Variants in NKAIN3 observed in about 807,000 individuals in gnomAD.
The protein encoded by NKAIN3 is sodium/potassium-transporting ATPase subunit beta-1-interacting protein 3.
Under a neutral mutation model 30.2 loss-of-function variants are expected in NKAIN3, and 25 were observed. The ratio of observed to expected loss-of-function variants is 0.83; its 90% CI spans 0.60 to 1.16. NKAIN3 has a LOEUF of 1.16. Among genes scored for constraint, NKAIN3 ranks in the 50% most tolerant of loss-of-function variants. The pLI is 0.00. For missense variants in NKAIN3, 225 were observed against 254.1 expected, an observed-to-expected ratio of 0.89 and a Z score of 0.78; for synonymous variants, 91 against 89.6, an observed-to-expected ratio of 1.02 and a Z score of -0.09.
chr8:62,462,355 A>G (rs1010252402), intron 1 of NKAIN3, among the ~76,000 whole-genome samples: 2 of 152,174 alleles, frequency 1.3e-5, no homozygotes, highest in African/African-American at 4.8e-5. Flanking sequence ...AGTCAAACCA[A>G]TGATATAATT....
At chr8:62,550,159 G>A (rs1455461773) in intron 1 of NKAIN3, among the ~76,000 whole-genome samples, 1 of 151,920 alleles carries the variant, frequency 6.6e-6, no homozygotes, top group Non-Finnish European at 1.5e-5. Flanking sequence ...TTTCTCTTTT[G>A]CTTTGCTATT....
intron 1 of NKAIN3, among the ~76,000 whole-genome samples, chr8:62,368,022 TA>T (rs1181091454): frequency 1.3e-5 from 2 of 151,772 alleles, no homozygotes; most frequent in Non-Finnish European, 2.9e-5. Context: ...ACCAAGGAGG[TA>T]AAAGACCTGT....
intron 3 of NKAIN3, among the ~76,000 whole-genome samples, chr8:62,663,745 A>G (rs762599066): frequency 2.0e-5 from 3 of 152,168 alleles, no homozygotes; most frequent in Non-Finnish European, 4.4e-5. Context: ...TAGGCTCACA[A>G]AACAGCCCAA....
chr8:62,706,465 T>G (rs1478972856), intron 3 of NKAIN3, among the ~76,000 whole-genome samples: 1 of 152,030 alleles, frequency 6.6e-6, no homozygotes, highest in Non-Finnish European at 1.5e-5. Flanking sequence ...ATTCTGCAAG[T>G]GTAAATTGGG....
chr8:62,830,945 C>T (rs891371862), intron 4 of NKAIN3, among the ~76,000 whole-genome samples: 5 of 152,198 alleles, frequency 3.3e-5, no homozygotes, highest in African/African-American at 1.2e-4. Context: ...GGACCCTCCC[C>T]ACAGGGATGA....
At chr8:62,436,275 C>T (rs1160492795) in intron 1 of NKAIN3, among the ~76,000 whole-genome samples, 3 of 152,052 alleles carry the variant, frequency 2.0e-5, no homozygotes, top group Admixed American at 6.6e-5. Flanking sequence ...TGTATTTTAC[C>T]GCAAATGTTA....
intron 2 of NKAIN3, among the ~76,000 whole-genome samples, chr8:62,580,364 A>G (rs540411750): frequency 1.6e-4 from 25 of 152,352 alleles, no homozygotes; most frequent in African/African-American, 6.0e-4. Flanking sequence ...AACATAAAAG[A>G]GTTCATTACT....
chr8:62,815,558 G>T (rs1028082335), intron 4 of NKAIN3, among the ~76,000 whole-genome samples: 2 of 152,146 alleles, frequency 1.3e-5, no homozygotes, highest in African/African-American at 4.8e-5. Context: ...ATGCAAGTCT[G>T]GTTCAATATA....
chr8:62,781,934 A>G (rs530592848), intron 4 of NKAIN3, among the ~76,000 whole-genome samples: 2 of 152,196 alleles, frequency 1.3e-5, no homozygotes, highest in South Asian at 4.1e-4. Flanking sequence ...GAAATCCAAA[A>G]TAAACAAATG....
intron 4 of NKAIN3, among the ~76,000 whole-genome samples, chr8:62,779,608 A>C (rs1416237712): frequency 6.6e-6 from 1 of 152,180 alleles, no homozygotes; most frequent in Non-Finnish European, 1.5e-5. Flanking sequence ...TGTTAGACCA[A>C]ATAGACCTAA....
rs377118312 is a variant in NKAIN3, at chr8:62,282,922, C to G, written c.54+33795C>G. Among the ~76,000 whole-genome samples, 27 of 152,250 alleles carry G rather than the reference C, an allele frequency of 1.8e-4. 1 individual carries two copies. The South Asian group carries it at 3.7e-3, about 21-fold the overall frequency. ...TTACTGTACTATGTAACACTAGATG[C>G]GCATTATAGTCCACATAAAAAGCCA... On this transcript the variant is annotated intron_variant, in intron 1 of 6. Transcript: ENST00000623646.
chr8:62,790,158 A>T (rs1817657906), intron 4 of NKAIN3, among the ~76,000 whole-genome samples: 1 of 152,194 alleles, frequency 6.6e-6, no homozygotes, highest in African/African-American at 2.4e-5. Context: ...CTGGTTCAAC[A>T]TATGAAAATC....
chr8:62,678,504 C>T (rs905625815), intron 3 of NKAIN3, among the ~76,000 whole-genome samples: 17 of 152,026 alleles, frequency 1.1e-4, no homozygotes, highest in African/African-American at 3.9e-4. Flanking sequence ...AACCAACTAT[C>T]GAATAGCTTC....
intron 3 of NKAIN3, among the ~76,000 whole-genome samples, chr8:62,734,045 G>T (rs1207184699): frequency 6.6e-6 from 1 of 152,134 alleles, no homozygotes; most frequent in African/African-American, 2.4e-5. Flanking sequence ...ACTTTGGGAG[G>T]CCATTGCAAA....
intron 1 of NKAIN3, among the ~76,000 whole-genome samples, chr8:62,351,335 A>G: frequency 6.7e-6 from 1 of 149,880 alleles, no homozygotes; most frequent in East Asian, 1.9e-4. Flanking sequence ...CACAATATAA[A>G]TGCTATGAAA....
chr8:62,853,664 G>T (rs1212827112), intron 4 of NKAIN3, among the ~76,000 whole-genome samples: 1 of 152,044 alleles, frequency 6.6e-6, no homozygotes, highest in Admixed American at 6.6e-5. Flanking sequence ...AGCAGCTCCT[G>T]GATTTGTTGA....
chr8:62,266,217 A>C (rs1374622241), intron 1 of NKAIN3, among the ~76,000 whole-genome samples: 1 of 152,198 alleles, frequency 6.6e-6, no homozygotes, highest in Non-Finnish European at 1.5e-5. Context: ...GAGTGAAATA[A>C]ATAAGATTCT....
chr8:62,578,481 C>G (rs1810187678), intron 1 of NKAIN3, among the ~76,000 whole-genome samples: 1 of 151,976 alleles, frequency 6.6e-6, no homozygotes, highest in Non-Finnish European at 1.5e-5. Context: ...AGGGGGTTAA[C>G]TCTAGTTTTA....
intron 3 of NKAIN3, among the ~76,000 whole-genome samples, chr8:62,612,383 C>A (rs181779791): frequency 6.6e-6 from 1 of 151,812 alleles, no homozygotes. Context: ...TTTGTCACTC[C>A]CTATAGTTTT....
Sources: allele counts gnomAD v4.1 joint callset (sites outside exome capture counted in the v4.1 genomes callset), GRCh38; gene constraint gnomAD v4.1.1; transcripts MANE v1.5; gene names NCBI Gene and HGNC (gene_info 2026-07-23, HGNC 2026-07-21).